The following ASB15 variants were observed in gnomAD, a reference collection of about 807,000 sequenced individuals.
ASB15 encodes the protein ankyrin repeat and SOCS box containing 15.
ASB15 carries 54 observed loss-of-function variants against 58.0 expected under a neutral mutation model. The observed-to-expected ratio is 0.93, with a 90% confidence interval of 0.75 to 1.17. ASB15 has a LOEUF of 1.17. ASB15 is among the 50% of genes most tolerant of loss of function. The pLI, the probability that ASB15 is intolerant of heterozygous loss-of-function variation, is 0.00. For missense variants in ASB15, 680 were observed against 707.4 expected (o/e 0.96, Z 0.44); for synonymous variants, 249 against 262.4 (o/e 0.95, Z 0.50).
chr7:123,616,414 G>A lies in ASB15; in HGVS notation c.211G>A (p.Glu71Lys). 1.2e-6 allele frequency: 2 copies of A among 1,606,552 alleles called. No individual in the cohort carries two copies. Among genetic ancestry groups the A allele is most frequent in the Non-Finnish European group, 1.7e-6 (2 of 1,173,430 alleles). ...EYVKYKYAMD[E>K]ADEKGWFPLH... Reference sequence around the variant, plus strand: ...TGTAAAATATAAATATGCAATGGATGAAGCTGATGAAAAAGGATGGTTTCC... The same window carrying A: ...TGTAAAATATAAATATGCAATGGATAAAGCTGATGAAAAAGGATGGTTTCC... The change falls in exon 6 of 12, where the codon GAA (glutamate) becomes AAA (lysine). Residue 71 changes from glutamate to lysine, a missense_variant. Coordinates refer to ENST00000451215, the MANE Select transcript of ASB15 (RefSeq NM_001290258.2).
intron 2 of ASB15, among the ~76,000 whole-genome samples, chr7:123,606,663 T>C (rs1800161708): frequency 6.6e-6 from 1 of 152,202 alleles, no homozygotes; most frequent in Admixed American, 6.5e-5. Context: ...CTCTTTTTTC[T>C]ATGACTTCAA....
chr7:123,625,218 C>A (rs1448829687), intron 8 of ASB15, among the ~76,000 whole-genome samples: 1 of 152,186 alleles, frequency 6.6e-6, no homozygotes, highest in Non-Finnish European at 1.5e-5. Context: ...TTTCCTAAAT[C>A]CAATCAGTTG....
At chr7:123,631,984 A>T (rs1407892367) in intron 11 of ASB15, among the ~76,000 whole-genome samples, 1 of 152,086 alleles carries the variant, frequency 6.6e-6, no homozygotes, top group African/African-American at 2.4e-5. Context: ...AGGCTGAGGC[A>T]GGAGAATGGC....
Position 123,624,720 on chromosome 7 carries a change from C to G in ASB15, c.603C>G (p.Gly201=). The G allele has an allele frequency of 6.2e-7, 1 of 1,614,160 alleles. No individual in the cohort carries two copies. Among genetic ancestry groups the G allele is most frequent in the Non-Finnish European group, 8.5e-7 (1 of 1,180,014 alleles). Reference sequence around the variant, plus strand: ...TAGCTCTGCTGCTGAAACATGGAGGCAATGTCCACCTGAGAGATGGATTTG... The same window carrying G: ...TAGCTCTGCTGCTGAAACATGGAGGGAATGTCCACCTGAGAGATGGATTTG... ...DIVALLLKHG[G]NVHLRDGFGV... is the part of the protein sequence containing the mutation. Residue 201 remains glycine, a synonymous_variant, in exon 8 of 12, where the codon GGC becomes GGG. Coordinates refer to ENST00000451215, the MANE Select transcript of ASB15 (RefSeq NM_001290258.2).
upstream of ASB15, among the ~76,000 whole-genome samples, chr7:123,601,240 T>A (rs1799867671): frequency 6.6e-6 from 1 of 152,174 alleles, no homozygotes; most frequent in African/African-American, 2.4e-5. Flanking sequence ...AAATCCCAAT[T>A]TTTTTGCTTG....
At chr7:123,613,779 T>C (rs1261116757) in intron 3 of ASB15, among the ~76,000 whole-genome samples, 1 of 152,156 alleles carries the variant, frequency 6.6e-6, no homozygotes, top group Non-Finnish European at 1.5e-5. Flanking sequence ...GCATGGTGGC[T>C]CACACCTGTA....
intron 7 of ASB15, among the ~76,000 whole-genome samples, chr7:123,623,588 G>A (rs183565866): frequency 6.2e-4 from 95 of 152,076 alleles, no homozygotes; most frequent in Non-Finnish European, 9.9e-4. Context: ...AAAGAGGGCC[G>A]GGCGTGGTAG....
chr7:123,620,523 T>C (rs1584793610), intron 7 of ASB15, among the ~76,000 whole-genome samples: 4 of 13,486 alleles, frequency 3.0e-4, no homozygotes, highest in South Asian at 2.1e-3. Flanking sequence ...TATATATATA[T>C]ATATATATAT....
chr7:123,603,587 C>T (rs2116423746), intron 1 of ASB15, among the ~76,000 whole-genome samples: 1 of 152,098 alleles, frequency 6.6e-6, no homozygotes, highest in Admixed American at 6.6e-5. Context: ...CTGTCCTTTG[C>T]CAATTTCTTT....
upstream of ASB15, among the ~76,000 whole-genome samples, chr7:123,599,221 T>A (rs1300260732): frequency 1.3e-5 from 2 of 151,696 alleles, no homozygotes; most frequent in Non-Finnish European, 2.9e-5. Context: ...AACAACAAAA[T>A]AAGAGGATAA....
At chr7:123,575,060 C>CTT (rs34567714) in intron 1 of ASB15, among the ~76,000 whole-genome samples, 30,459 of 133,454 alleles carry the variant, frequency 0.23, 3,525 homozygotes, top group East Asian at 0.41. Flanking sequence ...GGTATGTTTC[C>CTT]TTTTTTTTTT....
Position 123,629,904 on chromosome 7 carries a change from TTGAG to T in ASB15, c.1441-59_1441-56del, listed in dbSNP as rs1802030235. ...ACAGAGTAATTTTTCCATAACACAA[TTGAG>T]TGTTTATGTATATGATATTAAAAAT... is the stretch of plus-strand genomic sequence containing the variant. On this transcript the variant is annotated intron_variant, in intron 10 of 11. Coordinates refer to ENST00000451215, the MANE Select transcript of ASB15 (RefSeq NM_001290258.2). The T allele has an allele frequency of 4.5e-6, 5 of 1,120,098 alleles. No individual in the cohort carries two copies. In the South Asian group the frequency reaches 5.4e-5, roughly 12 times the overall value. The allele number at this position is 1,120,098 out of a possible 1,614,324, so 69.4% of individuals were successfully genotyped here.
In ASB15 at chr7:123,637,153, T is replaced by A; in HGVS notation, c.*172T>A. The A allele has an allele frequency of 2.2e-6, 1 of 448,530 alleles. No homozygotes were observed. The highest frequency in any genetic ancestry group is 3.9e-6 in the Non-Finnish European group (1 of 258,332). The allele number at this position is 448,530 out of a possible 1,614,324, so 27.8% of individuals were successfully genotyped here. A position where few individuals can be genotyped will look rare whatever the true frequency, so the allele number is the denominator to read the frequency against. Reference sequence around the variant, plus strand: ...CCATGATTTATGTCTTTAAAGACATTTGCATTTTTTAAAGATAGTATTTTG... The same window carrying A: ...CCATGATTTATGTCTTTAAAGACATATGCATTTTTTAAAGATAGTATTTTG... On this transcript the variant is annotated 3_prime_UTR_variant, in exon 12 of 12. Transcript: ENST00000451215.
intron 11 of ASB15, among the ~76,000 whole-genome samples, chr7:123,631,136 AT>A (rs1214763848): frequency 6.6e-6 from 1 of 152,142 alleles, no homozygotes; most frequent in Non-Finnish European, 1.5e-5. Context: ...GTGGAGGAGG[AT>A]TTTTTTATTT....
In ASB15 at chr7:123,636,927, A is replaced by G. The variant is rs762647426; in HGVS notation, c.1713A>G (p.Arg571=). 4.4e-6 allele frequency: 7 copies of G among 1,585,660 alleles called. No homozygotes were observed. In the South Asian group the frequency reaches 7.7e-5, roughly 18 times the overall value. ...EKLPLPPAIQ[R]YILFKEYDLY... ...TTCCTCTACCACCAGCTATTCAAAG[A>G]TACATATTATTTAAAGAGTATGATC... Residue 571 remains arginine, a synonymous_variant, in exon 12 of 12, where the codon AGA becomes AGG. Coordinates refer to ENST00000451215, the MANE Select transcript of ASB15 (RefSeq NM_001290258.2).
chr7:123,595,638 T>C (rs1192081291), intron 1 of ASB15, among the ~76,000 whole-genome samples: 2 of 152,230 alleles, frequency 1.3e-5, no homozygotes, highest in East Asian at 1.9e-4. Context: ...TTGGCATACC[T>C]AGTGCACAGC....
At chr7:123,569,377 A>T (rs189546507) in intron 1 of ASB15, among the ~76,000 whole-genome samples, 28 of 152,352 alleles carry the variant, frequency 1.8e-4, no homozygotes, top group African/African-American at 6.5e-4. Flanking sequence ...AGGGGAAAAA[A>T]TGTGGTCCAG....
intron 2 of ASB15, among the ~76,000 whole-genome samples, chr7:123,606,610 C>T (rs1800159325): frequency 1.3e-5 from 2 of 152,264 alleles, no homozygotes; most frequent in East Asian, 3.9e-4. Flanking sequence ...GAAATTTGTA[C>T]CCCTTGGCCA....
chr7:123,623,931 AAAAGAAAGAAAGAAAGAAAGAAAGAAAG>A (rs201240574), intron 7 of ASB15, among the ~76,000 whole-genome samples: 1,081 of 103,348 alleles, frequency 0.01, 8 homozygotes, highest in African/African-American at 0.012. Flanking sequence ...AGAAAGAAAG[AAAAGAAAGAAAGAAAGAAAGAAAGAAAG>A]AAAGAAAGAA....
Sources: gnomAD v4.1 joint callset for allele counts (sites outside exome capture counted in the v4.1 genomes callset) on GRCh38, gnomAD v4.1.1 for gene constraint, MANE v1.5 for transcripts, NCBI Gene and HGNC (gene_info 2026-07-23, HGNC 2026-07-21) for gene names.